Variants in CTNNA3 observed in about 807,000 individuals in gnomAD.
The protein encoded by CTNNA3 is catenin alpha-3.
CTNNA3 carries 76 observed loss-of-function variants against 95.7 expected under a neutral mutation model. The observed-to-expected ratio is 0.79, with a 90% CI of 0.66 to 0.96. CTNNA3 has a LOEUF of 0.96. Among genes scored for constraint, CTNNA3 ranks in the 40% least tolerant of loss-of-function variants. CTNNA3 has a pLI of 0.00. For missense variants in CTNNA3, 1,191 were observed against 1,089.8 expected (o/e 1.09, Z -1.31); for synonymous variants, 431 against 374.4 (o/e 1.15, Z -1.74).
chr10:66,597,712 G>T (rs192491376), intron 10 of CTNNA3, among the ~76,000 whole-genome samples: 2 of 150,824 alleles, frequency 1.3e-5, no homozygotes, highest in African/African-American at 4.9e-5. Context: ...AGGAGAGTGC[G>T]GATGATATAC....
At position 65,966,844 on chromosome 10, in the gene CTNNA3, A is replaced by G. The variant is rs57552563; in HGVS notation, c.2266-98T>C. 1,859 of 857,734 alleles carry G rather than the reference A, an allele frequency of 2.2e-3. 21 individuals carry two copies. The African/African-American group carries it at 0.029, about 13-fold the overall frequency. 53.1% of individuals were successfully genotyped at this position (857,734 alleles called of 1,614,324 possible). ...TATTCACATGGCAGGTACCTTATAA[A>G]GCAGCAATTTTATTTTCATACAGGA... On this transcript the variant is annotated intron_variant, in intron 16 of 17. Transcript: ENST00000433211.
At chr10:67,710,575 A>G (rs1185961693) in intron 1 of CTNNA3, among the ~76,000 whole-genome samples, 4 of 152,168 alleles carry the variant, frequency 2.6e-5, no homozygotes, top group African/African-American at 9.7e-5. Flanking sequence ...TCACACAGTG[A>G]CATATCCACA....
At chr10:67,361,886 G>T (rs1375839084) in intron 5 of CTNNA3, among the ~76,000 whole-genome samples, 3 of 151,534 alleles carry the variant, frequency 2.0e-5, no homozygotes, top group Non-Finnish European at 4.4e-5. Context: ...CAGAAACAAA[G>T]AAAAAAGGAA....
At chr10:67,509,515 A>G (rs1839538637) in intron 5 of CTNNA3, among the ~76,000 whole-genome samples, 2 of 152,312 alleles carry the variant, frequency 1.3e-5, no homozygotes, top group East Asian at 1.9e-4. Context: ...TGCAAAGGAC[A>G]TGAACTCATC....
rs527931805 is a variant in CTNNA3, at chr10:67,308,243, G to A, written c.580-88373C>T. The stretch of plus-strand genomic sequence containing the variant: ...TTAGCTGTGTCCCCACCCAAATCTC[G>A]AGTTGTAGCTCCCATAATACCCATG... On this transcript the variant is annotated intron_variant, in intron 5 of 17. Transcript: ENST00000433211. Among the ~76,000 whole-genome samples, 6 of 152,242 alleles carry A rather than the reference G, an allele frequency of 3.9e-5. No individual in the cohort carries two copies. In the South Asian group the frequency reaches 1.0e-3, roughly 26 times the overall value.
chr10:67,189,312 G>A lies in CTNNA3; in HGVS notation c.844-8792C>T, dbSNP rs900445316. Among the ~76,000 whole-genome samples the A allele has an allele frequency of 2.0e-5, 3 of 152,006 alleles. No individual in the cohort carries two copies. In the East Asian group the frequency reaches 5.8e-4, roughly 29 times the overall value. On this transcript the variant is annotated intron_variant, in intron 6 of 17. Coordinates refer to ENST00000433211, the MANE Select transcript of CTNNA3 (RefSeq NM_013266.4). ...CACAGAGTGGAGTGGTGGTTACCAG[G>A]GGCTAGGGGGCAGGGACAGGATTCA...
chr10:66,075,135 G>A (rs546524439), intron 14 of CTNNA3, among the ~76,000 whole-genome samples: 24 of 151,746 alleles, frequency 1.6e-4, no homozygotes, highest in South Asian at 6.2e-4. Flanking sequence ...ACAATTGATC[G>A]TTTTTCATCT....
intron 11 of CTNNA3, among the ~76,000 whole-genome samples, chr10:66,416,164 A>T (rs913224943): frequency 6.6e-6 from 1 of 152,200 alleles, no homozygotes; most frequent in African/African-American, 2.4e-5. Context: ...CATTGAATGA[A>T]TTACAAAATA....
chr10:66,735,937 T>A (rs1849120655), intron 9 of CTNNA3, among the ~76,000 whole-genome samples: 1 of 152,150 alleles, frequency 6.6e-6, no homozygotes, highest in Non-Finnish European at 1.5e-5. Context: ...CATGTGTCCC[T>A]CTCCACGTGT....
At chr10:65,997,496 T>C (rs2078688205) in intron 15 of CTNNA3, among the ~76,000 whole-genome samples, 2 of 152,162 alleles carry the variant, frequency 1.3e-5, no homozygotes, top group Admixed American at 6.5e-5. Context: ...CCTCCCACCC[T>C]TTGATCTGAT....
At chr10:66,506,089 G>A (rs1840440253) in intron 11 of CTNNA3, among the ~76,000 whole-genome samples, 1 of 152,154 alleles carries the variant, frequency 6.6e-6, no homozygotes, top group African/African-American at 2.4e-5. Flanking sequence ...AAGGGAGGAA[G>A]CAAAGGGTGC....
intron 3 of CTNNA3, among the ~76,000 whole-genome samples, chr10:67,555,160 T>C (rs1399773275): frequency 1.3e-5 from 2 of 152,212 alleles, no homozygotes; most frequent in East Asian, 3.8e-4. Flanking sequence ...TATGTAGTCT[T>C]GTAGTTCAGT....
chr10:67,213,299 TCTGA>T (rs928852681), intron 6 of CTNNA3, among the ~76,000 whole-genome samples: 5 of 151,756 alleles, frequency 3.3e-5, no homozygotes. Context: ...TGACTCCTCT[TCTGA>T]CTTTCACTCT....
chr10:66,337,066 T>G (rs1217771951), intron 12 of CTNNA3, among the ~76,000 whole-genome samples: 1 of 152,156 alleles, frequency 6.6e-6, no homozygotes, highest in Non-Finnish European at 1.5e-5. Flanking sequence ...AAAAAAATGC[T>G]ACTCTTCTCA....
At chr10:66,674,353 G>A (rs1846771665) in intron 9 of CTNNA3, among the ~76,000 whole-genome samples, 1 of 151,554 alleles carries the variant, frequency 6.6e-6, no homozygotes, top group African/African-American at 2.4e-5. Flanking sequence ...CAGTTTCTAA[G>A]TCCTTGGTAT....
chr10:66,370,572 G>A (rs1329212314), intron 12 of CTNNA3, among the ~76,000 whole-genome samples: 2 of 152,162 alleles, frequency 1.3e-5, no homozygotes, highest in African/African-American at 4.8e-5. Context: ...AGTGAGAGGA[G>A]CTTTCAGATC....
rs562677843 is a variant in CTNNA3, at chr10:67,511,578, G to A, written c.579+10264C>T. Among the ~76,000 whole-genome samples, 15 of 152,274 alleles carry A rather than the reference G, an allele frequency of 9.9e-5. No individual in the cohort carries two copies. The East Asian group carries it at 2.1e-3, about 22-fold the overall frequency. On this transcript the variant is annotated intron_variant, in intron 5 of 17. Coordinates refer to ENST00000433211, the MANE Select transcript of CTNNA3 (RefSeq NM_013266.4). ...TTGTGGTGGCCAAGCTTTTTGATGC[G>A]CTGCTGGATTCGGTTCACCAGTATT...
chr10:66,330,984 T>C (rs561860234), intron 12 of CTNNA3, among the ~76,000 whole-genome samples: 62 of 152,154 alleles, frequency 4.1e-4, no homozygotes, highest in African/African-American at 1.3e-3. Context: ...GTCAGATGAG[T>C]AGATGGCAAA....
chr10:67,096,889 A>C (rs555574196), intron 7 of CTNNA3, among the ~76,000 whole-genome samples: 1 of 152,034 alleles, frequency 6.6e-6, no homozygotes, highest in South Asian at 2.1e-4. Flanking sequence ...TCTAAATTTT[A>C]GATATATGGA....
Sources: gnomAD v4.1 joint callset for allele counts (sites outside exome capture counted in the v4.1 genomes callset) on GRCh38, gnomAD v4.1.1 for gene constraint, MANE v1.5 for transcripts, NCBI Gene and HGNC (gene_info 2026-07-23, HGNC 2026-07-21) for gene names.